The following BLTP3B variants were observed in gnomAD, a reference collection of about 807,000 sequenced individuals.
BLTP3B encodes the protein bridge-like lipid transfer protein family member 3B.
the BLTP3B span, among the ~76,000 whole-genome samples, chr12:100,140,421 A>G: frequency 4.0e-5 from 6 of 151,672 alleles, no homozygotes; most frequent in Non-Finnish European, 1.5e-5. Context: ...AACTAACCCT[A>G]AGGGCCAGGC....
chr12:100,037,476 T>G, the BLTP3B span: 1 of 1,450,376 alleles, frequency 6.9e-7, no homozygotes, highest in Non-Finnish European at 9.0e-7. Context: ...TACTAATACT[T>G]TCTAAACTGG....
At chr12:100,083,405 T>A in the BLTP3B span, among the ~76,000 whole-genome samples, 19 of 151,628 alleles carry the variant, frequency 1.3e-4, no homozygotes, top group African/African-American at 4.1e-4. Context: ...CATATTTACA[T>A]AGAAGTAGAA....
chr12:100,138,784 C>T, the BLTP3B span, among the ~76,000 whole-genome samples: 1 of 152,202 alleles, frequency 6.6e-6, no homozygotes, highest in Non-Finnish European at 1.5e-5. Flanking sequence ...CTTTTCAGGT[C>T]CTGGCTTAAT....
the BLTP3B span, chr12:100,047,757 A>C: frequency 9.5e-7 from 1 of 1,052,402 alleles, no homozygotes. Context: ...ACTGCCTGTT[A>C]TATTTTGCCT....
chr12:100,096,867 T>G, the BLTP3B span, among the ~76,000 whole-genome samples: 1 of 151,894 alleles, frequency 6.6e-6, no homozygotes, highest in African/African-American at 2.4e-5. Flanking sequence ...ATCACATGAC[T>G]CCAGGAGCTC....
chr12:100,040,665 G>A, the BLTP3B span, among the ~76,000 whole-genome samples: 6 of 152,076 alleles, frequency 3.9e-5, no homozygotes, highest in South Asian at 2.1e-4. Context: ...CAGCCTGGGC[G>A]ACAGAGCGAG....
chr12:100,041,429 C>CTTT, the BLTP3B span, among the ~76,000 whole-genome samples: 125 of 101,800 alleles, frequency 1.2e-3, 13 homozygotes, highest in African/African-American at 3.8e-3. Flanking sequence ...GCTATTGTTA[C>CTTT]TTTTTTTTTT....
the BLTP3B span, chr12:100,097,481 A>T: frequency 6.2e-7 from 1 of 1,611,794 alleles, no homozygotes; most frequent in Non-Finnish European, 8.5e-7. Context: ...ATCATCTGCC[A>T]ATTTATTTCT....
At chr12:100,119,303 T>C in the BLTP3B span, among the ~76,000 whole-genome samples, 2 of 151,964 alleles carry the variant, frequency 1.3e-5, no homozygotes, top group Admixed American at 1.3e-4. Context: ...AAGATCTAAA[T>C]AAATGAAGAA....
the BLTP3B span, among the ~76,000 whole-genome samples, chr12:100,067,246 CACAA>C: frequency 1.3e-5 from 2 of 152,016 alleles, no homozygotes; most frequent in African/African-American, 2.4e-5. Context: ...TCTGAAACAG[CACAA>C]ACAGACAACC....
chr12:100,058,543 GTT>G, the BLTP3B span: 2 of 1,612,488 alleles, frequency 1.2e-6, no homozygotes, highest in Non-Finnish European at 1.7e-6. Flanking sequence ...CTACTAATTT[GTT>G]TTCTTTTTGA....
chr12:100,139,777 G>A, the BLTP3B span, among the ~76,000 whole-genome samples: 2 of 152,290 alleles, frequency 1.3e-5, no homozygotes, highest in Middle Eastern at 3.4e-3. Flanking sequence ...TGCTCTCATA[G>A]AGTCTACATT....
the BLTP3B span, chr12:100,102,974 CAG>C: frequency 1.5e-6 from 1 of 663,122 alleles, no homozygotes; most frequent in Non-Finnish European, 2.3e-6. Context: ...AAAAAGTGAG[CAG>C]AGTCATTTAA....
At chr12:100,130,920 A>AC in the BLTP3B span, among the ~76,000 whole-genome samples, 1 of 144,138 alleles carries the variant, frequency 6.9e-6, no homozygotes, top group Non-Finnish European at 1.5e-5. Context: ...TATCTCAAAA[A>AC]AATACATACA....
At chr12:100,069,356 C>T in the BLTP3B span, among the ~76,000 whole-genome samples, 3 of 152,022 alleles carry the variant, frequency 2.0e-5, no homozygotes, top group Non-Finnish European at 4.4e-5. Context: ...AATTACAAAA[C>T]GTGGAACCAA....
chr12:100,129,725 A>T, the BLTP3B span, among the ~76,000 whole-genome samples: 5 of 152,220 alleles, frequency 3.3e-5, no homozygotes, highest in Non-Finnish European at 7.3e-5. Flanking sequence ...AAGGCCTATT[A>T]TGAAGAGATA....
At chr12:100,140,480 C>T in the BLTP3B span, among the ~76,000 whole-genome samples, 3 of 151,218 alleles carry the variant, frequency 2.0e-5, no homozygotes, top group East Asian at 1.9e-4. Flanking sequence ...CCAAGGCAGG[C>T]GGATCACCTG....
At chr12:100,091,534 G>A in the BLTP3B span, among the ~76,000 whole-genome samples, 22 of 148,888 alleles carry the variant, frequency 1.5e-4, no homozygotes, top group African/African-American at 4.7e-4. Flanking sequence ...ATGGAGTCTC[G>A]CTCTGTTGCC....
At chr12:100,058,253 A>G in the BLTP3B span, 14 of 1,613,538 alleles carry the variant, frequency 8.7e-6, no homozygotes, top group South Asian at 6.6e-5. Flanking sequence ...TTAAGATACT[A>G]CTTGAATCTG....
Sources: gnomAD v4.1 joint callset for allele counts (sites outside exome capture counted in the v4.1 genomes callset) on GRCh38, gnomAD v4.1.1 for gene constraint, MANE v1.5 for transcripts, NCBI Gene and HGNC (gene_info 2026-07-23, HGNC 2026-07-21) for gene names.